The following PLD5 variants were observed in gnomAD, a reference collection of about 807,000 sequenced individuals.
The protein encoded by PLD5 is phospholipase D family member 5.
PLD5 carries 36 observed loss-of-function variants against 61.1 expected under a neutral mutation model. That is an observed-to-expected ratio of 0.59 (90% confidence interval 0.45 to 0.78). The LOEUF (loss-of-function observed/expected upper bound fraction) is 0.78. Ranked by LOEUF, PLD5 falls within the 30% of genes least tolerant of loss-of-function variation. The probability of loss-of-function intolerance (pLI) is 0.00; values close to 1 mark genes in which losing one functional copy is unlikely to be tolerated. For synonymous variants in PLD5, 243 were observed against 242.8 expected (o/e 1.00, Z -0.01); for missense variants, 515 against 644.4 (o/e 0.80, Z 2.17).
chr1:242,482,431 T>C (rs866328593), intron 1 of PLD5, among the ~76,000 whole-genome samples: 1 of 152,164 alleles, frequency 6.6e-6, no homozygotes, highest in Non-Finnish European at 1.5e-5. Flanking sequence ...CAGTAGCTGA[T>C]TTGATCAACT....
intron 8 of PLD5, among the ~76,000 whole-genome samples, chr1:242,103,094 G>C (rs1660805114): frequency 6.6e-6 from 1 of 152,172 alleles, no homozygotes; most frequent in African/African-American, 2.4e-5. Context: ...ATTTGGAAAA[G>C]GAGATTGGAG....
intron 1 of PLD5, among the ~76,000 whole-genome samples, chr1:242,519,778 A>C (rs973115268): frequency 1.7e-4 from 26 of 152,196 alleles, no homozygotes; most frequent in Non-Finnish European, 3.4e-4. Context: ...CCAGGCAAAC[A>C]GACAGCATAA....
intron 4 of PLD5, among the ~76,000 whole-genome samples, chr1:242,251,243 A>C (rs1175300161): frequency 6.6e-6 from 1 of 152,186 alleles, no homozygotes; most frequent in Non-Finnish European, 1.5e-5. Flanking sequence ...AGCAGAAGCA[A>C]TCAATGCAGC....
At chr1:242,278,618 C>T (rs1471178968) in intron 3 of PLD5, among the ~76,000 whole-genome samples, 2 of 152,162 alleles carry the variant, frequency 1.3e-5, no homozygotes, top group Non-Finnish European at 2.9e-5. Flanking sequence ...CTGCATGAGC[C>T]AATTTGCTGA....
At chr1:242,314,558 A>G (rs1267696590) in intron 2 of PLD5, among the ~76,000 whole-genome samples, 1 of 152,162 alleles carries the variant, frequency 6.6e-6, no homozygotes, top group Non-Finnish European at 1.5e-5. Context: ...TTGTGCCTCT[A>G]TGTGTTTCCA....
At chr1:242,396,316 TG>T in intron 1 of PLD5, among the ~76,000 whole-genome samples, 1 of 152,294 alleles carries the variant, frequency 6.6e-6, no homozygotes, top group South Asian at 2.1e-4. Flanking sequence ...CTATTTTTAA[TG>T]GGTGAGAAAA....
chr1:242,313,155 C>T lies in PLD5; in HGVS notation c.327-24625G>A, dbSNP rs144135004. ...CACTATCATAAAAATAGTACAATTG[C>T]AGAGTATAAATTTAGTTCCTTATCT... On this transcript the variant is annotated intron_variant, in intron 2 of 9. Coordinates refer to ENST00000536534, the MANE Select transcript of PLD5 (RefSeq NM_001372062.1). Among the ~76,000 whole-genome samples, 550 of 152,348 alleles carry T rather than the reference C, an allele frequency of 3.6e-3. 3 individuals carry two copies. The highest frequency in any genetic ancestry group is 0.013 in the African/African-American group (526 of 41,566).
At chr1:242,172,483 C>T (rs925546682) in intron 5 of PLD5, among the ~76,000 whole-genome samples, 1 of 151,920 alleles carries the variant, frequency 6.6e-6, no homozygotes, top group African/African-American at 2.4e-5. Context: ...GAAGCAAGAG[C>T]AAACAAATTC....
chr1:242,433,449 T>C (rs1360162804), intron 1 of PLD5, among the ~76,000 whole-genome samples: 1 of 152,184 alleles, frequency 6.6e-6, no homozygotes, highest in Admixed American at 6.5e-5. Flanking sequence ...TTTATGCAAA[T>C]ACAGCAATCT....
chr1:242,252,932 T>C (rs1672788209), intron 4 of PLD5, among the ~76,000 whole-genome samples: 1 of 148,948 alleles, frequency 6.7e-6, no homozygotes, highest in African/African-American at 2.5e-5. Flanking sequence ...TTCTCCTGCC[T>C]CAGCCTCCCG....
intron 5 of PLD5, among the ~76,000 whole-genome samples, chr1:242,199,747 A>G (rs1449357989): frequency 6.6e-6 from 1 of 152,202 alleles, no homozygotes; most frequent in East Asian, 1.9e-4. Context: ...CCTCCCACTT[A>G]TGAGTGAGAA....
chr1:242,309,001 T>TG lies in PLD5; in HGVS notation c.327-20472dup, dbSNP rs537339898. Reference sequence around the variant, plus strand: ...GGAGAAAGTGGAGCGGGGAAAAAGATGAGAAGATGGCCTAAGGCAAGAATA... The same window carrying TG: ...GGAGAAAGTGGAGCGGGGAAAAAGATGGAGAAGATGGCCTAAGGCAAGAATA... On this transcript the variant is annotated intron_variant, in intron 2 of 9. Transcript: ENST00000536534. 1.6e-4 allele frequency among the ~76,000 whole-genome samples: 25 copies of TG among 152,066 alleles called. No individual in the cohort carries two copies. In the South Asian group the frequency reaches 5.2e-3, roughly 32 times the overall value.
intron 3 of PLD5, among the ~76,000 whole-genome samples, 195 bp from the exon 4 acceptor site, chr1:242,265,643 A>AT (rs1227409535): frequency 6.6e-6 from 1 of 152,214 alleles, no homozygotes; most frequent in East Asian, 1.9e-4. Context: ...ATGAACACAG[A>AT]TTGCACTTTT....
intron 5 of PLD5, among the ~76,000 whole-genome samples, chr1:242,138,576 A>T (rs1460338770): frequency 2.0e-5 from 3 of 152,248 alleles, no homozygotes. Context: ...GATTTTATAA[A>T]GGTCCAATGC....
chr1:242,182,001 C>A (rs1214816629), intron 5 of PLD5, among the ~76,000 whole-genome samples: 2 of 152,150 alleles, frequency 1.3e-5, no homozygotes, highest in Non-Finnish European at 2.9e-5. Context: ...GCATCCCAGG[C>A]CACCCACAGT....
intron 4 of PLD5, among the ~76,000 whole-genome samples, chr1:242,244,630 A>G (rs1296496421): frequency 6.6e-6 from 1 of 152,208 alleles, no homozygotes; most frequent in Non-Finnish European, 1.5e-5. Context: ...GCTACTAGGA[A>G]GTAAGGTGTT....
At chr1:242,341,897 A>T (rs1261891297) in intron 2 of PLD5, among the ~76,000 whole-genome samples, 1 of 147,784 alleles carries the variant, frequency 6.8e-6, no homozygotes, top group Non-Finnish European at 1.5e-5. Context: ...TATGTGGGCA[A>T]GAGTGAGCCA....
chr1:242,380,820 G>C (rs1662235528), intron 1 of PLD5, among the ~76,000 whole-genome samples: 1 of 152,166 alleles, frequency 6.6e-6, no homozygotes, highest in African/African-American at 2.4e-5. Flanking sequence ...CTGATCATTA[G>C]AGAAATGCAA....
At chr1:242,168,264 A>T (rs1666471763) in intron 5 of PLD5, among the ~76,000 whole-genome samples, 1 of 152,218 alleles carries the variant, frequency 6.6e-6, no homozygotes, top group African/African-American at 2.4e-5. Flanking sequence ...CAACAATGAA[A>T]TTGTTTTCAT....
Sources: allele counts gnomAD v4.1 joint callset (sites outside exome capture counted in the v4.1 genomes callset), GRCh38; gene constraint gnomAD v4.1.1; transcripts MANE v1.5; gene names NCBI Gene and HGNC (gene_info 2026-07-23, HGNC 2026-07-21).